PXYLP1: variants seen among roughly 807,000 people sequenced by gnomAD.
PXYLP1 encodes acid phosphatase-like 2.
PXYLP1 carries 17 observed loss-of-function variants against 37.9 expected under a neutral mutation model. The ratio of observed to expected loss-of-function variants is 0.45; its 90% confidence interval spans 0.31 to 0.67. The LOEUF is 0.67. PXYLP1 is among the 30% of genes least tolerant of loss of function. The probability of loss-of-function intolerance (pLI) is 0.07; values close to 1 mark genes in which losing one functional copy is unlikely to be tolerated. For missense variants in PXYLP1, 511 were observed against 612.0 expected (o/e 0.84, Z 1.74); for synonymous variants, 221 against 232.2 (o/e 0.95, Z 0.44).
At chr3:141,282,483 A>AACACACACACACACACACAC (rs3069374) in intron 4 of PXYLP1, among the ~76,000 whole-genome samples, 15 of 147,646 alleles carry the variant, frequency 1.0e-4, no homozygotes, top group African/African-American at 3.5e-4. Flanking sequence ...AACCCAGACA[A>AACACACACACACACACACAC]ACACACACAC....
intron 1 of PXYLP1, among the ~76,000 whole-genome samples, chr3:141,239,678 G>A (rs1940748538): frequency 1.3e-5 from 2 of 152,208 alleles, no homozygotes; most frequent in East Asian, 3.8e-4. Flanking sequence ...CTTGAGAAGT[G>A]TTTATTTACT....
intron 2 of PXYLP1, chr3:141,274,702 G>A (rs57231754): frequency 0.12 from 83,607 of 704,564 alleles, 7,608 homozygotes; most frequent in African/African-American, 0.31. Context: ...CCCTCTGGAT[G>A]TTTGGGATGG....
At chr3:141,262,706 T>A in intron 2 of PXYLP1, 1 of 1,534,516 alleles carries the variant, frequency 6.5e-7, no homozygotes, top group Non-Finnish European at 8.7e-7. Context: ...ATGGACGTTC[T>A]TACTGCTCTT....
In PXYLP1 at chr3:141,293,168, C is replaced by T; in HGVS notation, c.1406C>T (p.Thr469Ile). 1.2e-6 allele frequency: 2 copies of T among 1,613,856 alleles called. No individual in the cohort carries two copies. The highest frequency in any genetic ancestry group is 2.2e-5 in the East Asian group (1 of 44,880). The change falls in exon 6 of 6, where the codon ACA (threonine) becomes ATA (isoleucine). Residue 469 changes from threonine (T) to isoleucine (I), a missense_variant. Physicochemically the swap from Thr to Ile is moderately conservative, Grantham distance 89 (BLOSUM62 -1). Transcript: ENST00000286353. Reference sequence around the variant, plus strand: ...TTTGTAGCCCTGGGTGGCAGTGGTACAAATTATTATGATGCATGTCACAGG... The same window carrying T: ...TTTGTAGCCCTGGGTGGCAGTGGTATAAATTATTATGATGCATGTCACAGG... ...DMFVALGGSGTNYYDACHREG... is the reference protein window; with the variant it reads ...DMFVALGGSGINYYDACHREG...
intron 2 of PXYLP1, among the ~76,000 whole-genome samples, chr3:141,261,596 G>A (rs1027230318): frequency 1.3e-5 from 2 of 152,238 alleles, no homozygotes; most frequent in East Asian, 1.9e-4. Flanking sequence ...CCTAAGTTCT[G>A]GTATTACAGG....
At chr3:141,275,597 C>T (rs961889375) in intron 2 of PXYLP1, among the ~76,000 whole-genome samples, 6 of 152,198 alleles carry the variant, frequency 3.9e-5, no homozygotes, top group Non-Finnish European at 7.3e-5. Context: ...TATTTCCGTG[C>T]TCTTGTGCTA....
chr3:141,278,536 T>C, intron 3 of PXYLP1, 36 bp downstream of exon 3: 5 of 1,610,030 alleles, frequency 3.1e-6, no homozygotes, highest in Non-Finnish European at 4.2e-6. Context: ...AGATACCCCT[T>C]TGGGGACTAG....
At chr3:141,233,190 G>C (rs59518869) in intron 1 of PXYLP1, among the ~76,000 whole-genome samples, 6 of 152,148 alleles carry the variant, frequency 3.9e-5, no homozygotes, top group Non-Finnish European at 7.4e-5. Context: ...AAAAGGCCTC[G>C]GGCGCGGTGG....
intron 1 of PXYLP1, among the ~76,000 whole-genome samples, chr3:141,250,345 A>G (rs1941113646): frequency 6.6e-6 from 1 of 152,220 alleles, no homozygotes; most frequent in Non-Finnish European, 1.5e-5. Context: ...AATTTTTTAG[A>G]ATAATTGTGC....
intron 2 of PXYLP1, chr3:141,273,423 G>T: frequency 2.0e-6 from 2 of 985,374 alleles, no homozygotes; most frequent in Non-Finnish European, 2.4e-6. Context: ...GAGAGGATCA[G>T]TTTGGCTTGC....
intron 5 of PXYLP1, among the ~76,000 whole-genome samples, chr3:141,290,486 A>C (rs146506657): frequency 1.2e-4 from 19 of 152,330 alleles, no homozygotes; most frequent in Non-Finnish European, 2.4e-4. Context: ...GGGAAGAGGA[A>C]GGAATTATTA....
At chr3:141,245,325 C>G (rs142085039) in intron 1 of PXYLP1, among the ~76,000 whole-genome samples, 226 of 152,202 alleles carry the variant, frequency 1.5e-3, no homozygotes, top group African/African-American at 5.1e-3. Flanking sequence ...CCTTGGCCTC[C>G]CAAAGTGCTA....
chr3:141,253,728 C>G (rs987086464), intron 1 of PXYLP1, among the ~76,000 whole-genome samples: 45 of 150,970 alleles, frequency 3.0e-4, no homozygotes, highest in Non-Finnish European at 6.2e-4. Flanking sequence ...CTGACATACA[C>G]AGAAGCAGAG....
intron 5 of PXYLP1, 30 bp downstream of exon 5, chr3:141,287,483 TC>T: frequency 1.9e-6 from 3 of 1,604,486 alleles, no homozygotes; most frequent in Non-Finnish European, 2.6e-6. Flanking sequence ...GCTCAGGGGT[TC>T]CCCCACCCGC....
intron 2 of PXYLP1, chr3:141,267,272 T>C (rs1046839387): frequency 1.3e-5 from 2 of 152,086 alleles, no homozygotes; most frequent in Middle Eastern, 3.2e-3. Flanking sequence ...CTCAGTATGC[T>C]TCATGGAAAA....
At chr3:141,238,363 A>G (rs1004038454) in intron 1 of PXYLP1, among the ~76,000 whole-genome samples, 1 of 152,226 alleles carries the variant, frequency 6.6e-6, no homozygotes, top group Admixed American at 6.5e-5. Context: ...AGCACCTGCC[A>G]TCACGGAGCT....
At chr3:141,273,626 GT>G in intron 2 of PXYLP1, 1 of 985,364 alleles carries the variant, frequency 1.0e-6, no homozygotes, top group Non-Finnish European at 1.2e-6. Flanking sequence ...TGCTTTAGAG[GT>G]CATGTTCTCT....
chr3:141,242,092 A>G (rs1373736810), intron 1 of PXYLP1, among the ~76,000 whole-genome samples: 1 of 152,180 alleles, frequency 6.6e-6, no homozygotes, highest in African/African-American at 2.4e-5. Context: ...CAGAGGATGA[A>G]GTTCTAAAGT....
intron 2 of PXYLP1, chr3:141,267,626 A>C (rs1941550028): frequency 6.6e-6 from 1 of 151,940 alleles, no homozygotes; most frequent in Admixed American, 6.6e-5. Flanking sequence ...TGAAAAAAAA[A>C]AAAACACCAT....
Sources: allele counts gnomAD v4.1 joint callset (sites outside exome capture counted in the v4.1 genomes callset), GRCh38; gene constraint gnomAD v4.1.1; transcripts MANE v1.5; gene names NCBI Gene and HGNC (gene_info 2026-07-23, HGNC 2026-07-21).